The following SPOCK1 variants were observed in gnomAD, a reference collection of about 807,000 sequenced individuals.
The protein encoded by SPOCK1 is testican-1.
In SPOCK1, 23 loss-of-function variants were observed where a neutral mutation model predicts 55.3. That is an observed-to-expected ratio of 0.42 (90% CI 0.30 to 0.59). The LOEUF is 0.59. SPOCK1 is among the 20% of genes least tolerant of loss of function. The probability of loss-of-function intolerance (pLI) is 0.22; values close to 1 mark genes in which losing one functional copy is unlikely to be tolerated. For missense variants in SPOCK1, 499 were observed against 552.5 expected (o/e 0.90, Z 0.97); for synonymous variants, 226 against 221.0 (o/e 1.02, Z -0.20).
At chr5:137,438,344 T>A (rs1752907504) in intron 2 of SPOCK1, among the ~76,000 whole-genome samples, 1 of 152,010 alleles carries the variant, frequency 6.6e-6, no homozygotes, top group East Asian at 1.9e-4. Context: ...GACTTGCAGA[T>A]GAATGGGATA....
chr5:137,415,871 A>C (rs34189424), intron 2 of SPOCK1, among the ~76,000 whole-genome samples: 12,198 of 152,156 alleles, frequency 0.08, 1,244 homozygotes, highest in African/African-American at 0.24. Flanking sequence ...ATCTTCCTAA[A>C]TATCCCAAAA....
chr5:137,183,998 T>G (rs1279926859), intron 3 of SPOCK1, among the ~76,000 whole-genome samples: 2 of 152,232 alleles, frequency 1.3e-5, no homozygotes, highest in Admixed American at 6.5e-5. Flanking sequence ...CAGTGGCTGA[T>G]GCCCGACATT....
chr5:137,200,953 C>A (rs907611372), intron 3 of SPOCK1, among the ~76,000 whole-genome samples: 1 of 151,992 alleles, frequency 6.6e-6, no homozygotes, highest in Non-Finnish European at 1.5e-5. Context: ...TGTGAATAGA[C>A]CCTGATGTAC....
intron 2 of SPOCK1, among the ~76,000 whole-genome samples, chr5:137,289,348 G>T (rs1343972602): frequency 6.6e-6 from 1 of 152,064 alleles, no homozygotes; most frequent in Non-Finnish European, 1.5e-5. Context: ...TGATTGGCTT[G>T]TTGCTTTTCT....
chr5:137,112,819 T>G (rs1229247723), intron 4 of SPOCK1, among the ~76,000 whole-genome samples: 1 of 139,560 alleles, frequency 7.2e-6, no homozygotes, highest in Non-Finnish European at 1.5e-5. Context: ...ACTACTGACA[T>G]GGGAAGATTT....
chr5:137,021,166 T>C (rs1404494774), intron 6 of SPOCK1, among the ~76,000 whole-genome samples: 1 of 152,174 alleles, frequency 6.6e-6, no homozygotes, highest in Non-Finnish European at 1.5e-5. Flanking sequence ...CAAAAGTATA[T>C]GTTCTTGTTT....
chr5:137,440,008 C>T (rs1029439647), intron 2 of SPOCK1, among the ~76,000 whole-genome samples: 1 of 152,040 alleles, frequency 6.6e-6, no homozygotes, highest in Admixed American at 6.6e-5. Flanking sequence ...GGAGGAAAGC[C>T]TTTCACGGGA....
chr5:137,203,473 C>G (rs924906629), intron 3 of SPOCK1, among the ~76,000 whole-genome samples: 3 of 152,044 alleles, frequency 2.0e-5, no homozygotes, highest in African/African-American at 7.2e-5. Context: ...GGCTCCAGGC[C>G]TAAGCAGCTT....
intron 3 of SPOCK1, among the ~76,000 whole-genome samples, chr5:137,240,667 C>T (rs1756263659): frequency 6.6e-6 from 1 of 152,106 alleles, no homozygotes; most frequent in Admixed American, 6.5e-5. Flanking sequence ...AAATGTAATG[C>T]TCTCCTAATG....
rs1757527386 is a variant in SPOCK1, at chr5:137,298,362, A to G, written c.187-31307T>C. On this transcript the variant is annotated intron_variant, in intron 2 of 10. Coordinates refer to ENST00000394945, the MANE Select transcript of SPOCK1 (RefSeq NM_004598.4). ...TTCAATTCCAGTGTGGTCAGAGAAC[A>G]AACTTCATAACATTTCAATGGTTTG... 3.3e-5 allele frequency among the ~76,000 whole-genome samples: 5 copies of G among 152,310 alleles called. No homozygotes were observed. The Middle Eastern group carries it at 0.01, about 311-fold the overall frequency.
intron 3 of SPOCK1, among the ~76,000 whole-genome samples, chr5:137,194,484 C>T (rs1415302654): frequency 6.6e-6 from 1 of 152,060 alleles, no homozygotes; most frequent in Non-Finnish European, 1.5e-5. Context: ...GTGGAAAGTG[C>T]CAAGAGCTGA....
intron 2 of SPOCK1, among the ~76,000 whole-genome samples, chr5:137,391,880 T>C (rs926478216): frequency 6.6e-6 from 1 of 152,098 alleles, no homozygotes; most frequent in African/African-American, 2.4e-5. Flanking sequence ...GCTGCCAATC[T>C]CCCTGAGTGC....
rs183380417 is a variant in SPOCK1 at position 137,336,911 on chromosome 5, C to T, written c.187-69856G>A. On this transcript the variant is annotated intron_variant, in intron 2 of 10. Transcript: ENST00000394945. ...GTTTCAAAGAAAAGGGCTCCTAGGG[C>T]AGGTGTCCAGGCTGGAGACCCAGCA... Among the ~76,000 whole-genome samples the T allele has an allele frequency of 5.9e-5, 9 of 152,240 alleles. No individual in the cohort carries two copies. In the East Asian group the frequency reaches 1.7e-3, roughly 29 times the overall value.
intron 6 of SPOCK1, among the ~76,000 whole-genome samples, chr5:137,009,628 C>T (rs1039745330): frequency 3.9e-5 from 6 of 152,168 alleles, no homozygotes; most frequent in Admixed American, 3.3e-4. Context: ...GACTTGTTAG[C>T]TATAACCCAA....
chr5:137,375,281 T>C (rs943817852), intron 2 of SPOCK1, among the ~76,000 whole-genome samples: 2 of 152,130 alleles, frequency 1.3e-5, no homozygotes, highest in Non-Finnish European at 2.9e-5. Context: ...CACAACACCA[T>C]GGTAATCCCA....
At chr5:137,058,292 G>T (rs539025894) in intron 6 of SPOCK1, among the ~76,000 whole-genome samples, 1 of 152,310 alleles carries the variant, frequency 6.6e-6, no homozygotes, top group East Asian at 1.9e-4. Flanking sequence ...TCTATTATCT[G>T]TGTGGCCTTA....
chr5:137,384,813 T>A (rs1219354457), intron 2 of SPOCK1, among the ~76,000 whole-genome samples: 1 of 152,136 alleles, frequency 6.6e-6, no homozygotes, highest in African/African-American at 2.4e-5. Flanking sequence ...GGACAACTAA[T>A]CATTGGATTT....
chr5:137,052,174 G>A (rs887674540), intron 6 of SPOCK1, among the ~76,000 whole-genome samples: 3 of 152,172 alleles, frequency 2.0e-5, no homozygotes, highest in African/African-American at 7.2e-5. Context: ...AACAAGAGTG[G>A]AGCCTGGTTC....
At chr5:137,057,763 G>T (rs374426542) in intron 6 of SPOCK1, among the ~76,000 whole-genome samples, 1 of 152,086 alleles carries the variant, frequency 6.6e-6, no homozygotes, top group Admixed American at 6.5e-5. Flanking sequence ...ACTTACTTTC[G>T]TCTGGTGATA....
Sources: gnomAD v4.1 joint callset for allele counts (sites outside exome capture counted in the v4.1 genomes callset) on GRCh38, gnomAD v4.1.1 for gene constraint, MANE v1.5 for transcripts, NCBI Gene and HGNC (gene_info 2026-07-23, HGNC 2026-07-21) for gene names.